Variants in NBEAL1 observed in about 807,000 individuals in gnomAD.
The protein encoded by NBEAL1 is neurobeachin like 1.
A neutral mutation model predicts 351.3 loss-of-function variants in NBEAL1; 273 were observed. That is an observed-to-expected ratio of 0.78 (90% CI 0.70 to 0.86). The LOEUF (loss-of-function observed/expected upper bound fraction) is 0.86. Ranked by LOEUF, NBEAL1 falls within the 40% of genes least tolerant of loss-of-function variation. NBEAL1 has a pLI of 0.00. For missense variants in NBEAL1, 2,961 were observed against 3,201.3 expected, an observed-to-expected ratio of 0.92 and a Z score of 1.81; for synonymous variants, 1,050 against 1,086.4, an observed-to-expected ratio of 0.97 and a Z score of 0.66.
intron 2 of NBEAL1, among the ~76,000 whole-genome samples, chr2:203,034,553 T>A (rs542252692): frequency 7.1e-6 from 1 of 140,824 alleles, no homozygotes; most frequent in Non-Finnish European, 1.6e-5. Flanking sequence ...CCACCTCCCA[T>A]GTTCAAGCAA....
chr2:203,170,793 C>T lies in NBEAL1; in HGVS notation c.6102+942C>T, dbSNP rs1220728624. Among the ~76,000 whole-genome samples the T allele has an allele frequency of 3.3e-5, 5 of 152,174 alleles. No homozygotes were observed. In the East Asian group the frequency reaches 7.7e-4, roughly 23 times the overall value. ...TAAACTTTATTCTTTAAGTGCTGAT[C>T]CCTCAACTTGGCACTCAAGAACAAT... On this transcript the variant is annotated intron_variant, in intron 39 of 55. Coordinates refer to ENST00000683969, the MANE Select transcript of NBEAL1 (RefSeq NM_001378026.1).
chr2:203,077,760 C>A lies in NBEAL1; in HGVS notation c.607C>A (p.Gln203Lys). 7.0e-7 allele frequency: 1 copy of A among 1,418,960 alleles called. No individual in the cohort carries two copies. The highest frequency in any genetic ancestry group is 9.3e-7 in the Non-Finnish European group (1 of 1,072,910). The allele number at this position is 1,418,960 out of a possible 1,614,324, so 87.9% of individuals were successfully genotyped here. A position where few individuals can be genotyped will look rare whatever the true frequency, so the allele number is the denominator to read the frequency against. Residue 203 changes from glutamine (Q) to lysine (K), a missense_variant, in exon 8 of 56, where the codon CAG becomes AAG. Gln to Lys is a moderately conservative substitution (Grantham distance 53, BLOSUM62 1). Transcript: ENST00000683969. ...TTATTTATTATTTACAGAATGTTTT[C>A]AGGAAAGTGAACATCTCAAGGAAAG... ...EFVPFFYQCF[Q>K]ESEHLKESLK... is the part of the protein sequence containing the mutation.
intron 10 of NBEAL1, among the ~76,000 whole-genome samples, chr2:203,089,610 C>T (rs1017343999): frequency 5.9e-5 from 9 of 152,026 alleles, no homozygotes; most frequent in East Asian, 1.9e-4. Flanking sequence ...TTAAGAGACA[C>T]GAGAACCTAG....
chr2:203,152,552 T>G (rs2063686150), intron 35 of NBEAL1, among the ~76,000 whole-genome samples: 1 of 151,338 alleles, frequency 6.6e-6, no homozygotes, highest in Non-Finnish European at 1.5e-5. Flanking sequence ...ATCAGGCCAC[T>G]GCATTCCAGC....
chr2:203,023,925 G>A (rs565498892), intron 2 of NBEAL1, among the ~76,000 whole-genome samples: 19 of 152,212 alleles, frequency 1.2e-4, no homozygotes, highest in Non-Finnish European at 1.8e-4. Context: ...GGGCAAAACA[G>A]TGAGATCACG....
chr2:203,110,104 C>G (rs903381543), intron 14 of NBEAL1, 46 bp from the exon 15 acceptor site: 1 of 1,513,770 alleles, frequency 6.6e-7, no homozygotes, highest in Admixed American at 2.2e-5. Context: ...GATGATGAAA[C>G]TGAACAACCA....
chr2:203,158,015 A>T (rs2063842710), intron 36 of NBEAL1, among the ~76,000 whole-genome samples, 190 bp downstream of exon 36: 1 of 152,172 alleles, frequency 6.6e-6, no homozygotes, highest in African/African-American at 2.4e-5. Context: ...ATAACATGGA[A>T]CTGGACCTTG....
At chr2:203,125,309 G>T in intron 19 of NBEAL1, 43 bp from the exon 20 acceptor site, 1 of 1,310,714 alleles carries the variant, frequency 7.6e-7, no homozygotes, top group Non-Finnish European at 1.0e-6. Flanking sequence ...TGACAAAATT[G>T]TCCTCCTTTT....
chr2:203,118,417 A>G (rs1348733645), intron 18 of NBEAL1, among the ~76,000 whole-genome samples: 3 of 152,150 alleles, frequency 2.0e-5, no homozygotes, highest in Non-Finnish European at 4.4e-5. Flanking sequence ...TTTGCTTTGT[A>G]TAACTTCTTT....
In NBEAL1 at chr2:203,221,398, T is replaced by G. The variant is rs574224897; in HGVS notation, c.*4044T>G. Among the ~76,000 whole-genome samples, 1 of 151,472 alleles carries G rather than the reference T, an allele frequency of 6.6e-6. No homozygotes were observed. The highest frequency in any genetic ancestry group is 2.4e-5 in the African/African-American group (1 of 41,344). Reference sequence around the variant, plus strand: ...ATATTATTAAATAATATATGTAATATGGGTGTCTGTTGGGGTTATGTGTGT... The same window carrying G: ...ATATTATTAAATAATATATGTAATAGGGGTGTCTGTTGGGGTTATGTGTGT... On this transcript the variant is annotated 3_prime_UTR_variant, in exon 56 of 56. Coordinates refer to ENST00000683969, the MANE Select transcript of NBEAL1 (RefSeq NM_001378026.1).
intron 6 of NBEAL1, among the ~76,000 whole-genome samples, chr2:203,059,907 T>TA (rs2061470068): frequency 6.6e-6 from 1 of 152,198 alleles, no homozygotes; most frequent in Non-Finnish European, 1.5e-5. Context: ...TTTATACTCA[T>TA]TAGCACTTTG....
At chr2:203,207,445 C>T (rs1365123434) in intron 51 of NBEAL1, among the ~76,000 whole-genome samples, 3 of 152,106 alleles carry the variant, frequency 2.0e-5, no homozygotes, top group Admixed American at 6.5e-5. Flanking sequence ...GCCATGATGA[C>T]AATGGCGGTT....
Position 203,130,496 on chromosome 2 carries a change from A to G in NBEAL1, c.3564+20A>G, listed in dbSNP as rs1345719990. 7.2e-7 allele frequency: 1 copy of G among 1,381,362 alleles called. No homozygotes were observed. Among genetic ancestry groups the G allele is most frequent in the African/African-American group, 1.5e-5 (1 of 65,424 alleles). The allele number at this position is 1,381,362 out of a possible 1,614,324, so 85.6% of individuals were successfully genotyped here. A position where few individuals can be genotyped will look rare whatever the true frequency, so the allele number is the denominator to read the frequency against. The stretch of plus-strand genomic sequence containing the variant: ...TTTAAGGTACAAACATTTCTTAAAC[A>G]TCTTTGTATTTTGAGGCGTTTGTGG... On this transcript the variant is annotated intron_variant, in intron 25 of 55. Transcript: ENST00000683969.
Position 203,060,650 on chromosome 2 carries a change from C to T in NBEAL1, c.515+3197C>T, listed in dbSNP as rs187065290. Among the ~76,000 whole-genome samples, 35 of 152,226 alleles carry T rather than the reference C, an allele frequency of 2.3e-4. 1 individual carries two copies. Among genetic ancestry groups the T allele is most frequent in the Admixed American group, 1.6e-3 (24 of 15,292 alleles). ...AAGAGTATCTACGGAATTTTCACATCGATGTTTTCTTGCGAAAGTGGAAAT... is the reference window on the plus strand; with the variant it reads ...AAGAGTATCTACGGAATTTTCACATTGATGTTTTCTTGCGAAAGTGGAAAT... On this transcript the variant is annotated intron_variant, in intron 6 of 55. Transcript: ENST00000683969.
intron 10 of NBEAL1, among the ~76,000 whole-genome samples, chr2:203,093,060 G>A (rs557540666): frequency 1.5e-4 from 23 of 151,586 alleles, no homozygotes; most frequent in Admixed American, 3.3e-4. Flanking sequence ...GTGAAACCCC[G>A]TCTCTACTAA....
At chr2:203,114,694 G>A (rs181585192) in intron 17 of NBEAL1, among the ~76,000 whole-genome samples, 1 of 152,126 alleles carries the variant, frequency 6.6e-6, no homozygotes, top group African/African-American at 2.4e-5. Context: ...AGATGAATGG[G>A]ATTGCCCACA....
intron 2 of NBEAL1, among the ~76,000 whole-genome samples, chr2:203,041,399 G>A (rs2061138600): frequency 6.6e-6 from 1 of 152,162 alleles, no homozygotes; most frequent in Non-Finnish European, 1.5e-5. Context: ...GGAGAAGAGT[G>A]TTCTGGGTAG....
rs1462174099 is a variant in NBEAL1 at position 203,083,427 on chromosome 2, A to C, written c.893A>C (p.Tyr298Ser). Residue 298 changes from tyrosine (Y) to serine (S), a missense_variant, in exon 9 of 56, where the codon TAT becomes TCT. Coordinates refer to ENST00000683969, the MANE Select transcript of NBEAL1 (RefSeq NM_001378026.1). ...GAAACCAGTACTATTCTGGAGAACTATTTTAAATTGCTAAATTCAGATCAT... is the reference window on the plus strand; with the variant it reads ...GAAACCAGTACTATTCTGGAGAACTCTTTTAAATTGCTAAATTCAGATCAT... ...QVETSTILEN[Y>S]FKLLNSDHSA... 3 of 1,554,176 alleles carry C rather than the reference A, an allele frequency of 1.9e-6. No homozygotes were observed. Among genetic ancestry groups the C allele is most frequent in the Non-Finnish European group, 1.7e-6 (2 of 1,147,562 alleles).
rs141595634 is a variant in NBEAL1 at position 203,190,591 on chromosome 2, A to G, written c.6921+202A>G. The G allele has an allele frequency of 1.2e-4, 82 of 711,770 alleles. No homozygotes were observed. In the African/African-American group the frequency reaches 1.2e-3, roughly 11 times the overall value. 44.1% of individuals were successfully genotyped at this position (711,770 alleles called of 1,614,324 possible). A position where few individuals can be genotyped will look rare whatever the true frequency, so the allele number is the denominator to read the frequency against. On this transcript the variant is annotated intron_variant, in intron 46 of 55. Transcript: ENST00000683969. ...AGGGTATGCCATTAAAACTGTCCTC[A>G]TGCTGGGACTCATTCCACATGTAAA...
Sources: allele counts gnomAD v4.1 joint callset (sites outside exome capture counted in the v4.1 genomes callset), GRCh38; gene constraint gnomAD v4.1.1; transcripts MANE v1.5; gene names NCBI Gene and HGNC (gene_info 2026-07-23, HGNC 2026-07-21).